Variants in ITPR2 observed in about 807,000 individuals in gnomAD.
ITPR2 encodes inositol 1,4,5-trisphosphate receptor type 2.
Under a neutral mutation model 317.1 loss-of-function variants are expected in ITPR2, and 207 were observed. The ratio of observed to expected loss-of-function variants is 0.65; its 90% CI spans 0.58 to 0.73. The LOEUF is 0.73. Among genes scored for constraint, ITPR2 ranks in the 30% least tolerant of loss-of-function variants. The probability of loss-of-function intolerance (pLI) is 0.00; values close to 1 mark genes in which losing one functional copy is unlikely to be tolerated. For missense variants in ITPR2, 2,613 were observed against 3,284.0 expected (o/e 0.80, Z 4.99); for synonymous variants, 1,156 against 1,149.1 (o/e 1.01, Z -0.12).
At chr12:26,420,328 T>C (rs868124224) in intron 49 of ITPR2, among the ~76,000 whole-genome samples, 1 of 152,196 alleles carries the variant, frequency 6.6e-6, no homozygotes, top group African/African-American at 2.4e-5. Flanking sequence ...AATCTTAACT[T>C]TGTAAAAACA....
chr12:26,697,958 T>C (rs1381796782), intron 9 of ITPR2, among the ~76,000 whole-genome samples: 1 of 152,058 alleles, frequency 6.6e-6, no homozygotes, highest in Non-Finnish European at 1.5e-5. Context: ...AAATCAGCAA[T>C]GCAGAGGATG....
At chr12:26,662,298 G>A (rs971190738) in intron 15 of ITPR2, among the ~76,000 whole-genome samples, 5 of 152,098 alleles carry the variant, frequency 3.3e-5, no homozygotes, top group African/African-American at 1.2e-4. Flanking sequence ...TATCACCTTG[G>A]ACAAATTACT....
chr12:26,644,002 G>A (rs1947052661), intron 21 of ITPR2, among the ~76,000 whole-genome samples: 1 of 152,202 alleles, frequency 6.6e-6, no homozygotes, highest in African/African-American at 2.4e-5. Flanking sequence ...GAAGCCAGAT[G>A]CTATTTATCA....
chr12:26,773,585 CA>C (rs1234145236), intron 2 of ITPR2, among the ~76,000 whole-genome samples: 7 of 152,304 alleles, frequency 4.6e-5, no homozygotes, highest in Non-Finnish European at 8.8e-5. Context: ...ACGAATCACT[CA>C]AAATTCACAC....
At chr12:26,554,011 C>A (rs142712763) in intron 36 of ITPR2, among the ~76,000 whole-genome samples, 4 of 152,122 alleles carry the variant, frequency 2.6e-5, no homozygotes, top group Non-Finnish European at 4.4e-5. Flanking sequence ...ACTTCATGTG[C>A]GTGTGGGATC....
intron 32 of ITPR2, among the ~76,000 whole-genome samples, chr12:26,587,850 A>T (rs11048595): frequency 0.075 from 11,345 of 151,828 alleles, 514 homozygotes; most frequent in Middle Eastern, 0.14. Context: ...TTATGAGGCT[A>T]TTGCAATCAT....
At chr12:26,524,695 T>C (rs1049725170) in intron 37 of ITPR2, among the ~76,000 whole-genome samples, 6 of 152,204 alleles carry the variant, frequency 3.9e-5, no homozygotes, top group Admixed American at 1.3e-4. Context: ...GTTTAATCTA[T>C]ACAAGGGCTG....
intron 2 of ITPR2, among the ~76,000 whole-genome samples, chr12:26,763,444 T>C (rs1004469698): frequency 6.6e-6 from 1 of 152,136 alleles, no homozygotes; most frequent in African/African-American, 2.4e-5. Flanking sequence ...CGATGAGATG[T>C]ATATTTAATT....
intron 37 of ITPR2, among the ~76,000 whole-genome samples, chr12:26,525,834 TC>T (rs1266415893): frequency 6.6e-6 from 1 of 152,136 alleles, no homozygotes; most frequent in Non-Finnish European, 1.5e-5. Context: ...ATATGATACT[TC>T]TCCTGTTTCC....
At chr12:26,408,372 T>C (rs1269159742) in intron 52 of ITPR2, among the ~76,000 whole-genome samples, 3 of 152,258 alleles carry the variant, frequency 2.0e-5, no homozygotes, top group African/African-American at 7.2e-5. Context: ...ATTTACTTTT[T>C]AAATTTTAAG....
At chr12:26,832,618 G>T (rs1951134524) in intron 1 of ITPR2, 72 bp downstream of exon 1, 2 of 1,192,056 alleles carry the variant, frequency 1.7e-6, no homozygotes, top group Non-Finnish European at 2.4e-6. Flanking sequence ...GGACCGGGCG[G>T]CGGAGGAGGG....
intron 45 of ITPR2, among the ~76,000 whole-genome samples, chr12:26,461,822 T>C (rs1942039072): frequency 6.6e-6 from 1 of 151,764 alleles, no homozygotes; most frequent in African/African-American, 2.4e-5. Context: ...GTCAATAATA[T>C]AAATCCTGAC....
intron 1 of ITPR2, among the ~76,000 whole-genome samples, chr12:26,826,002 A>G (rs1328047950): frequency 6.6e-6 from 1 of 152,256 alleles, no homozygotes; most frequent in Non-Finnish European, 1.5e-5. Context: ...AACAACAGCC[A>G]TCATTTGGAA....
At chr12:26,401,252 G>T (rs907135048) in intron 52 of ITPR2, among the ~76,000 whole-genome samples, 1 of 151,892 alleles carries the variant, frequency 6.6e-6, no homozygotes, top group African/African-American at 2.4e-5. Flanking sequence ...TACATTTAGG[G>T]TATGTAAAAT....
intron 55 of ITPR2, among the ~76,000 whole-genome samples, chr12:26,353,657 T>C (rs965139023): frequency 6.6e-6 from 1 of 152,252 alleles, no homozygotes; most frequent in African/African-American, 2.4e-5. Flanking sequence ...TTTCAGTTAA[T>C]CCACAACTCA....
Position 26,457,915 on chromosome 12 carries a change from G to A in ITPR2, c.6343-14265C>T, listed in dbSNP as rs1941930241. ...AGATGAGACACAGCACCGATACAAA[G>A]TAAGTACGTATTGTGCTCAATAAAT... On this transcript the variant is annotated intron_variant, in intron 45 of 56. Coordinates refer to ENST00000381340, the MANE Select transcript of ITPR2 (RefSeq NM_002223.4). Among the ~76,000 whole-genome samples the A allele has an allele frequency of 3.3e-5, 5 of 152,176 alleles. No individual in the cohort carries two copies. In the South Asian group the frequency reaches 1.0e-3, roughly 31 times the overall value.
intron 49 of ITPR2, among the ~76,000 whole-genome samples, chr12:26,422,387 T>A (rs1940928493): frequency 6.6e-6 from 1 of 152,048 alleles, no homozygotes; most frequent in Non-Finnish European, 1.5e-5. Context: ...AGTGTTTTCA[T>A]ATATACTTTA....
rs140566649 is a variant in ITPR2, at chr12:26,551,983, C to T, written c.4965-1628G>A. On this transcript the variant is annotated intron_variant, in intron 36 of 56. Transcript: ENST00000381340. ...CCTCTTCCCATTGTGAGAAAGAGACCAATGATGGCAGCGGGAAAGATGAAG... is the reference window on the plus strand; with the variant it reads ...CCTCTTCCCATTGTGAGAAAGAGACTAATGATGGCAGCGGGAAAGATGAAG... Among the ~76,000 whole-genome samples the T allele has an allele frequency of 2.8e-3, 431 of 152,186 alleles. 1 individual carries two copies. Among genetic ancestry groups the T allele is most frequent in the African/African-American group, 9.8e-3 (408 of 41,522 alleles).
intron 2 of ITPR2, among the ~76,000 whole-genome samples, chr12:26,772,415 T>TATATATATTATATATATAATATATATA (rs1555189160): frequency 2.2e-4 from 27 of 120,982 alleles, no homozygotes; most frequent in East Asian, 8.6e-4. Flanking sequence ...TATACACATT[T>TATATATATTATATATATAATATATATA]ATATATATTA....
Sources: gnomAD v4.1 joint callset for allele counts (sites outside exome capture counted in the v4.1 genomes callset) on GRCh38, gnomAD v4.1.1 for gene constraint, MANE v1.5 for transcripts, NCBI Gene and HGNC (gene_info 2026-07-23, HGNC 2026-07-21) for gene names.